Variants in HCRTR2 observed in about 807,000 individuals in gnomAD.
The protein encoded by HCRTR2 is orexin receptor type 2.
In HCRTR2, 22 loss-of-function variants were observed where a neutral mutation model predicts 49.0. The ratio of observed to expected loss-of-function variants is 0.45; its 90% CI spans 0.32 to 0.64. HCRTR2 has a LOEUF of 0.64. Ranked by LOEUF, HCRTR2 falls within the 30% of genes least tolerant of loss-of-function variation. HCRTR2 has a pLI of 0.04. For missense variants in HCRTR2, 491 were observed against 559.4 expected, an observed-to-expected ratio of 0.88 and a Z score of 1.23; for synonymous variants, 236 against 205.3, an observed-to-expected ratio of 1.15 and a Z score of -1.28.
intron 1 of HCRTR2, among the ~76,000 whole-genome samples, chr6:55,197,226 C>A (rs1040263490): frequency 6.6e-6 from 1 of 152,104 alleles, no homozygotes. Context: ...AACCACAAAC[C>A]TACTTCTAAC....
At chr6:55,245,469 T>TATATATATATATATATATATA (rs1562020342) in intron 1 of HCRTR2, among the ~76,000 whole-genome samples, 16 of 56,768 alleles carry the variant, frequency 2.8e-4, no homozygotes, top group Non-Finnish European at 4.6e-4. Flanking sequence ...TAGGAAGATT[T>TATATATATATATATATATATA]TATATATATA....
intron 4 of HCRTR2, among the ~76,000 whole-genome samples, chr6:55,268,108 T>A (rs1364699491): frequency 6.6e-6 from 1 of 152,140 alleles, no homozygotes; most frequent in East Asian, 1.9e-4. Context: ...ACTATTGAAA[T>A]TACATTGGCA....
intron 1 of HCRTR2, among the ~76,000 whole-genome samples, chr6:55,230,918 C>G (rs1291491139): frequency 6.6e-6 from 1 of 151,506 alleles, no homozygotes; most frequent in Non-Finnish European, 1.5e-5. Flanking sequence ...GTATAGAATC[C>G]TTTGTTGGGG....
chr6:55,126,120 A>G lies in HCRTR2; in HGVS notation c.-378+19575A>G, dbSNP rs571217997. Among the ~76,000 whole-genome samples the G allele has an allele frequency of 3.3e-5, 5 of 152,200 alleles. No homozygotes were observed. In the South Asian group the frequency reaches 6.2e-4, roughly 19 times the overall value. ...CATCTTCTGAAGCCTACCTCTGTCA[A>G]TTCGTCAAACTCATTCTCTGTCCAG... On this transcript the variant is annotated intron_variant, in intron 1 of 7. Coordinates refer to the HCRTR2 transcript ENST00000615358.
intron 1 of HCRTR2, among the ~76,000 whole-genome samples, chr6:55,233,900 C>T (rs769449613): frequency 4.6e-5 from 7 of 152,146 alleles, no homozygotes; most frequent in Non-Finnish European, 1.0e-4. Context: ...ATATACATTA[C>T]TATAAAATGT....
chr6:55,245,469 T>TATATATATATATA lies in HCRTR2; in HGVS notation c.224-3170_224-3169insATATATATATATA, dbSNP rs1562020342. Among the ~76,000 whole-genome samples, 97 of 56,746 alleles carry TATATATATATATA rather than the reference T, an allele frequency of 1.7e-3. 2 individuals carry two copies. Among genetic ancestry groups the TATATATATATATA allele is most frequent in the African/African-American group, 3.6e-3 (63 of 17,614 alleles). The allele number at this position is 56,746 out of a possible 152,430, so 37.2% of individuals were successfully genotyped here. A position where few individuals can be genotyped will look rare whatever the true frequency, so the allele number is the denominator to read the frequency against. On this transcript the variant is annotated intron_variant, in intron 1 of 6. Transcript: ENST00000370862. Reference sequence around the variant, plus strand: ...TACACATAGAATACATAGGAAGATTTTATATATATATATATATATATATAT... The same window carrying TATATATATATATA: ...TACACATAGAATACATAGGAAGATTTATATATATATATATATATATATATATATATATATATAT...
chr6:55,252,126 G>A (rs551620045), intron 2 of HCRTR2, among the ~76,000 whole-genome samples: 3 of 152,090 alleles, frequency 2.0e-5, no homozygotes, highest in Admixed American at 6.6e-5. Context: ...AAATATAGTA[G>A]GTCAAACAAT....
chr6:55,148,376 G>A (rs1764621823), intron 1 of HCRTR2, among the ~76,000 whole-genome samples: 1 of 152,006 alleles, frequency 6.6e-6, no homozygotes, highest in Non-Finnish European at 1.5e-5. Context: ...TCAAAACTCA[G>A]TTCCTCCCAC....
At chr6:55,131,883 A>G (rs1305155400) in intron 1 of HCRTR2, among the ~76,000 whole-genome samples, 1 of 151,836 alleles carries the variant, frequency 6.6e-6, no homozygotes, top group Non-Finnish European at 1.5e-5. Context: ...CCAAGGAGCT[A>G]GTAAATGAAC....
intron 1 of HCRTR2, among the ~76,000 whole-genome samples, chr6:55,231,230 T>C (rs977882202): frequency 2.0e-5 from 3 of 152,132 alleles, no homozygotes; most frequent in Non-Finnish European, 4.4e-5. Flanking sequence ...ATAATAGACA[T>C]ACAGGTATTC....
At chr6:55,230,268 A>G (rs1334458955) in intron 1 of HCRTR2, among the ~76,000 whole-genome samples, 2 of 152,234 alleles carry the variant, frequency 1.3e-5, no homozygotes, top group African/African-American at 4.8e-5. Context: ...AGATTTGAGC[A>G]ACAACTATAA....
At chr6:55,128,538 A>G (rs576326701) in intron 1 of HCRTR2, among the ~76,000 whole-genome samples, 25 of 152,120 alleles carry the variant, frequency 1.6e-4, no homozygotes, top group Non-Finnish European at 2.8e-4. Context: ...ACAACATTGA[A>G]TCTTCCTATC....
At chr6:55,277,713 T>C (rs1767106295) in intron 5 of HCRTR2, 113 bp downstream of exon 5, 5 of 818,520 alleles carry the variant, frequency 6.1e-6, no homozygotes, top group Non-Finnish European at 8.0e-6. Context: ...TCTGCTTAGA[T>C]ACCTTGTCAG....
rs200068306 is a variant in HCRTR2 at position 55,255,371 on chromosome 6, G to T, written c.638G>T (p.Arg213Leu). ...KTTLFTVCDERWGGEIYPKMY... is the reference protein window; with the variant it reads ...KTTLFTVCDELWGGEIYPKMY... ...ACCCTCTTTACGGTGTGTGATGAGC[G>T]CTGGGGTGGTAAGTACCTTATGGCC... The change falls in exon 3 of 7, where the codon CGC becomes CTC. Residue 213 changes from arginine (R) to leucine (L), a missense_variant. By Grantham distance (102) the Arg-to-Leu change is moderately radical. Transcript: ENST00000370862. 1.2e-6 allele frequency: 2 copies of T among 1,613,828 alleles called. No individual in the cohort carries two copies. Among genetic ancestry groups the T allele is most frequent in the South Asian group, 1.1e-5 (1 of 91,082 alleles).
chr6:55,218,727 T>C (rs1015752564), intron 1 of HCRTR2, among the ~76,000 whole-genome samples: 1 of 152,176 alleles, frequency 6.6e-6, no homozygotes, highest in African/African-American at 2.4e-5. Flanking sequence ...TTTAAACATA[T>C]ATGTATTCAA....
chr6:55,217,955 G>A (rs1204776179), intron 1 of HCRTR2, among the ~76,000 whole-genome samples: 1 of 152,198 alleles, frequency 6.6e-6, no homozygotes, highest in African/African-American at 2.4e-5. Context: ...AAGGGGATTT[G>A]TTAGGGAAAT....
chr6:55,234,747 A>C (rs1766182474), intron 1 of HCRTR2, among the ~76,000 whole-genome samples: 1 of 152,192 alleles, frequency 6.6e-6, no homozygotes, highest in African/African-American at 2.4e-5. Context: ...GGTAAGTGTA[A>C]AAACTAGTAC....
chr6:55,255,187 C>T lies in HCRTR2; in HGVS notation c.454C>T (p.Arg152Trp), dbSNP rs866684522. The T allele has an allele frequency of 1.2e-6, 2 of 1,613,860 alleles. No individual in the cohort carries two copies. The highest frequency in any genetic ancestry group is 1.7e-6 in the Non-Finnish European group (2 of 1,179,880). Residue 152 changes from arginine to tryptophan, a missense_variant, in exon 3 of 7, where the codon CGG becomes TGG. Transcript: ENST00000370862. ...VLTLSCIALD[R>W]WYAICHPLMF... Reference sequence around the variant, plus strand: ...CACACTGAGCTGTATCGCCTTGGATCGGTGGTATGCAATCTGTCACCCTTT... The same window carrying T: ...CACACTGAGCTGTATCGCCTTGGATTGGTGGTATGCAATCTGTCACCCTTT...
intron 1 of HCRTR2, among the ~76,000 whole-genome samples, chr6:55,199,284 G>T (rs1170270943): frequency 6.6e-6 from 1 of 150,796 alleles, no homozygotes. Flanking sequence ...TTTTAATGCA[G>T]CATGTCATAA....
Sources: allele counts gnomAD v4.1 joint callset (sites outside exome capture counted in the v4.1 genomes callset), GRCh38; gene constraint gnomAD v4.1.1; transcripts MANE v1.5; gene names NCBI Gene and HGNC (gene_info 2026-07-23, HGNC 2026-07-21).